GLIS3: variants seen among roughly 807,000 people sequenced by gnomAD.
GLIS3 encodes GLIS family zinc finger 3.
Under a neutral mutation model 78.6 loss-of-function variants are expected in GLIS3, and 53 were observed. The ratio of observed to expected loss-of-function variants is 0.67; its 90% CI spans 0.54 to 0.85. The LOEUF is 0.85. Among genes scored for constraint, GLIS3 ranks in the 40% least tolerant of loss-of-function variants. The pLI is 0.00. For synonymous variants in GLIS3, 684 were observed against 509.9 expected, an observed-to-expected ratio of 1.34 and a Z score of -4.60; for missense variants, 1,703 against 1,231.1, an observed-to-expected ratio of 1.38 and a Z score of -5.74.
intron 9 of GLIS3, among the ~76,000 whole-genome samples, chr9:3,854,308 T>A (rs1163948560): frequency 4.6e-5 from 7 of 152,070 alleles, no homozygotes; most frequent in Non-Finnish European, 2.9e-5. Flanking sequence ...AACTAAAGCT[T>A]GAGAAACAAT....
chr9:4,015,428 A>C (rs1220819826), intron 4 of GLIS3, among the ~76,000 whole-genome samples: 1 of 152,120 alleles, frequency 6.6e-6, no homozygotes. Flanking sequence ...GACAGAGGAA[A>C]CTCTCATTTG....
At chr9:4,338,364 G>T (rs933717535) in intron 2 of GLIS3, among the ~76,000 whole-genome samples, 1 of 137,384 alleles carries the variant, frequency 7.3e-6, no homozygotes, top group South Asian at 2.4e-4. Context: ...TTATATATGT[G>T]TGTACACACA....
At chr9:4,202,886 C>G (rs1819528845) in intron 2 of GLIS3, among the ~76,000 whole-genome samples, 1 of 152,158 alleles carries the variant, frequency 6.6e-6, no homozygotes, top group Non-Finnish European at 1.5e-5. Context: ...AGCTAGGAAA[C>G]ACCATTCTGG....
chr9:3,829,410 ACTGCAGGAG>A lies in GLIS3; in HGVS notation c.2547_2555del (p.Ser850_Ser852del), dbSNP rs1177768859. On this transcript the variant is annotated inframe_deletion, in exon 10 of 11. Transcript: ENST00000381971. ...GGCAGTCCTCAAACGAAGGCACCAC[ACTGCAGGAG>A]CTGACAGGCGGCACAATTCTCTGGG... 2 of 1,613,946 alleles carry A rather than the reference ACTGCAGGAG, an allele frequency of 1.2e-6. No homozygotes were observed. Among genetic ancestry groups the A allele is most frequent in the African/African-American group, 2.7e-5 (2 of 74,884 alleles).
At chr9:4,423,245 G>A in the GLIS3 span, among the ~76,000 whole-genome samples, 1 of 152,116 alleles carries the variant, frequency 6.6e-6, no homozygotes, top group South Asian at 2.1e-4. Context: ...TTTGTCATCT[G>A]ACGTCACAGA....
the GLIS3 span, among the ~76,000 whole-genome samples, chr9:4,461,713 G>A: frequency 2.6e-5 from 4 of 152,068 alleles, no homozygotes; most frequent in Non-Finnish European, 4.4e-5. Flanking sequence ...ACTATCACAC[G>A]GCTACCATCT....
the GLIS3 span, among the ~76,000 whole-genome samples, chr9:4,446,757 T>G: frequency 2.0e-5 from 3 of 151,610 alleles, no homozygotes; most frequent in Admixed American, 6.6e-5. Context: ...TCGGGTGACC[T>G]GCCTCGGCCT....
At chr9:4,153,077 T>G (rs1330355302) in intron 2 of GLIS3, among the ~76,000 whole-genome samples, 1 of 152,152 alleles carries the variant, frequency 6.6e-6, no homozygotes, top group Non-Finnish European at 1.5e-5. Flanking sequence ...TAGATGCCAG[T>G]AGCACCCCTC....
At chr9:3,980,515 G>A (rs1242830549) in intron 4 of GLIS3, among the ~76,000 whole-genome samples, 2 of 152,174 alleles carry the variant, frequency 1.3e-5, no homozygotes, top group African/African-American at 2.4e-5. Flanking sequence ...TGCTTTGTTC[G>A]AGTTTGCTTC....
chr9:4,047,144 G>C (rs1825316971), intron 4 of GLIS3, among the ~76,000 whole-genome samples: 1 of 152,158 alleles, frequency 6.6e-6, no homozygotes, highest in African/African-American at 2.4e-5. Context: ...TGCTGTTCTT[G>C]TGTTAGTGAG....
chr9:4,233,872 AACTTGCTGCAGCTCCTACATCACC>A (rs1195203650), intron 2 of GLIS3, among the ~76,000 whole-genome samples: 9 of 152,150 alleles, frequency 5.9e-5, no homozygotes, highest in Non-Finnish European at 1.2e-4. Flanking sequence ...TCTCCTGGAG[AACTTGCTGCAGCTCCTACATCACC>A]ACTTGCTGCT....
intron 2 of GLIS3, among the ~76,000 whole-genome samples, chr9:4,191,517 T>A (rs888533198): frequency 3.3e-5 from 5 of 152,222 alleles, no homozygotes; most frequent in African/African-American, 1.2e-4. Context: ...AATGAGCATA[T>A]CCTATTACCA....
At chr9:3,890,728 T>C (rs1488316413) in intron 7 of GLIS3, among the ~76,000 whole-genome samples, 5 of 151,640 alleles carry the variant, frequency 3.3e-5, no homozygotes, top group Admixed American at 1.3e-4. Flanking sequence ...GCACGCTGTC[T>C]CTAAAAAACA....
chr9:4,311,983 A>G lies in GLIS3; in HGVS notation n.265-1455T>C, dbSNP rs117890736. Among the ~76,000 whole-genome samples, 329 of 152,286 alleles carry G rather than the reference A, an allele frequency of 2.2e-3. 2 individuals are homozygous for G. Among genetic ancestry groups the G allele is most frequent in the Admixed American group, 5.5e-3 (84 of 15,296 alleles). On this transcript the variant is annotated intron_variant and non_coding_transcript_variant, in intron 2 of 4. Transcript: ENST00000471664. ...AACTACAGACAGTGGGGTCCACCCA[A>G]TGGTGGAGAGTGGGAGGAGGAAGAG...
the GLIS3 span, among the ~76,000 whole-genome samples, chr9:4,419,728 C>T: frequency 2.6e-5 from 4 of 151,946 alleles, no homozygotes; most frequent in Admixed American, 6.6e-5. Context: ...TGCAGTGAGC[C>T]GAGATCACGC....
At chr9:3,967,455 A>T (rs1048071622) in intron 4 of GLIS3, among the ~76,000 whole-genome samples, 3 of 152,140 alleles carry the variant, frequency 2.0e-5, no homozygotes, top group African/African-American at 4.8e-5. Context: ...GTGAGCCAAG[A>T]TCGGGCCATT....
the GLIS3 span, among the ~76,000 whole-genome samples, chr9:4,477,561 T>C: frequency 6.6e-6 from 1 of 152,180 alleles, no homozygotes; most frequent in South Asian, 2.1e-4. Context: ...ACTGCAGATG[T>C]GCACACCACA....
At chr9:3,988,974 A>T (rs1003696862) in intron 4 of GLIS3, among the ~76,000 whole-genome samples, 1 of 152,170 alleles carries the variant, frequency 6.6e-6, no homozygotes, top group Non-Finnish European at 1.5e-5. Flanking sequence ...GAAAATACAG[A>T]GAGACTGGGG....
intron 4 of GLIS3, among the ~76,000 whole-genome samples, chr9:4,003,555 G>A (rs915266415): frequency 6.6e-6 from 1 of 152,164 alleles, no homozygotes; most frequent in Non-Finnish European, 1.5e-5. Flanking sequence ...TGAGAATCAG[G>A]TTGACAGTTC....
Sources: allele counts gnomAD v4.1 joint callset (sites outside exome capture counted in the v4.1 genomes callset), GRCh38; gene constraint gnomAD v4.1.1; transcripts MANE v1.5; gene names NCBI Gene and HGNC (gene_info 2026-07-23, HGNC 2026-07-21).